TRPM3: variants seen among roughly 807,000 people sequenced by gnomAD.
TRPM3 encodes the protein long transient receptor potential channel 3.
A neutral mutation model predicts 181.2 loss-of-function variants in TRPM3; 77 were observed. The ratio of observed to expected loss-of-function variants is 0.42; its 90% CI spans 0.35 to 0.51. TRPM3 has a LOEUF of 0.51. TRPM3 is among the 20% of genes least tolerant of loss of function. The pLI is 0.01. For missense variants in TRPM3, 1,759 were observed against 2,196.7 expected (o/e 0.80, Z 3.98); for synonymous variants, 745 against 796.4 (o/e 0.94, Z 1.09).
rs369737756 is a variant in TRPM3, at chr9:70,928,519, A to AAC, written c.178-64010_178-64009dup. Among the ~76,000 whole-genome samples, 14 of 151,992 alleles carry AAC rather than the reference A, an allele frequency of 9.2e-5. No homozygotes were observed. The East Asian group carries it at 1.4e-3, about 15-fold the overall frequency. ...GTGTCTTTCTTGACAATTTAATCTA[A>AAC]ACACACACACACACAAAATAGTTGA... On this transcript the variant is annotated intron_variant, in intron 1 of 25. Transcript: ENST00000677713.
At chr9:70,860,743 T>A (rs1227354432) in intron 3 of TRPM3, among the ~76,000 whole-genome samples, 2 of 152,176 alleles carry the variant, frequency 1.3e-5, no homozygotes, top group Admixed American at 1.3e-4. Flanking sequence ...TTAGTCAAAA[T>A]GTTTTTGCAA....
chr9:71,060,516 G>A (rs1425800818), intron 1 of TRPM3, among the ~76,000 whole-genome samples: 1 of 152,084 alleles, frequency 6.6e-6, no homozygotes, highest in African/African-American at 2.4e-5. Context: ...TCAAACCCAG[G>A]CCTGTCAGAC....
intron 8 of TRPM3, among the ~76,000 whole-genome samples, chr9:70,750,668 G>C (rs1427481219): frequency 1.3e-5 from 2 of 152,178 alleles, no homozygotes; most frequent in Non-Finnish European, 2.9e-5. Context: ...GGCCACAATT[G>C]GCTGGTGGCG....
At chr9:70,826,262 T>C (rs945836628) in intron 6 of TRPM3, 1 of 152,346 alleles carries the variant, frequency 6.6e-6, no homozygotes. Flanking sequence ...AACTCAATTT[T>C]AGTATTTACA....
chr9:71,041,128 G>A (rs2058764583), intron 1 of TRPM3, among the ~76,000 whole-genome samples: 1 of 152,122 alleles, frequency 6.6e-6, no homozygotes, highest in East Asian at 1.9e-4. Context: ...TTGCTTTGGG[G>A]AAAGTCAAAG....
intron 1 of TRPM3, among the ~76,000 whole-genome samples, chr9:71,006,531 C>T (rs1276953703): frequency 6.6e-6 from 1 of 151,926 alleles, no homozygotes; most frequent in Non-Finnish European, 1.5e-5. Context: ...AACAAACAAA[C>T]AAGCAAAATC....
intron 1 of TRPM3, among the ~76,000 whole-genome samples, chr9:70,910,437 G>A (rs1763485583): frequency 6.6e-6 from 1 of 152,126 alleles, no homozygotes; most frequent in South Asian, 2.1e-4. Context: ...TTAAGGTGCT[G>A]TCTGAATGGA....
At chr9:70,693,116 T>C (rs1388564764) in intron 8 of TRPM3, among the ~76,000 whole-genome samples, 1 of 152,162 alleles carries the variant, frequency 6.6e-6, no homozygotes, top group East Asian at 1.9e-4. Flanking sequence ...TCATTGAGGT[T>C]CTCTAGGGGG....
chr9:71,260,120 C>T (rs1355639146), intron 1 of TRPM3, among the ~76,000 whole-genome samples: 1 of 152,088 alleles, frequency 6.6e-6, no homozygotes, highest in Non-Finnish European at 1.5e-5. Context: ...TTTCCCAACT[C>T]CATTTATTAA....
chr9:71,165,215 TACA>T (rs2134740511), intron 1 of TRPM3, among the ~76,000 whole-genome samples: 1 of 152,312 alleles, frequency 6.6e-6, no homozygotes, highest in East Asian at 1.9e-4. Context: ...AAGCTGAAAT[TACA>T]ACAATAATAT....
chr9:70,793,400 G>A (rs1271457067), intron 6 of TRPM3, among the ~76,000 whole-genome samples: 1 of 148,658 alleles, frequency 6.7e-6, no homozygotes, highest in African/African-American at 2.5e-5. Flanking sequence ...AGGCTGCAGT[G>A]AGCCCTGAGG....
intron 1 of TRPM3, among the ~76,000 whole-genome samples, chr9:71,027,994 C>T (rs1380571920): frequency 6.6e-6 from 1 of 152,070 alleles, no homozygotes; most frequent in Non-Finnish European, 1.5e-5. Context: ...ACAAGAGGAT[C>T]ATCCCCAAGA....
At chr9:70,624,827 T>G (rs2064245379) in intron 14 of TRPM3, among the ~76,000 whole-genome samples, 1 of 152,238 alleles carries the variant, frequency 6.6e-6, no homozygotes. Context: ...AAACATGTTC[T>G]TTATGTTAAC....
chr9:71,232,417 TTG>T (rs2081107178), intron 1 of TRPM3, among the ~76,000 whole-genome samples: 1 of 151,734 alleles, frequency 6.6e-6, no homozygotes, highest in South Asian at 2.1e-4. Context: ...ACTATAAAAA[TTG>T]TGTGTTGATT....
At chr9:70,657,515 C>G (rs1422805842) in intron 9 of TRPM3, among the ~76,000 whole-genome samples, 1 of 152,016 alleles carries the variant, frequency 6.6e-6, no homozygotes, top group Non-Finnish European at 1.5e-5. Flanking sequence ...AAGGTCTTTT[C>G]TTTTGCCTTT....
At chr9:70,576,347 T>C (rs2053928256) in intron 22 of TRPM3, among the ~76,000 whole-genome samples, 1 of 152,182 alleles carries the variant, frequency 6.6e-6, no homozygotes, top group Non-Finnish European at 1.5e-5. Flanking sequence ...GTGTCTTGAA[T>C]AGCTGCAGAG....
chr9:70,811,171 A>ATAATT (rs1390672761), intron 6 of TRPM3: 1 of 1,609,998 alleles, frequency 6.2e-7, no homozygotes, highest in Admixed American at 1.7e-5. Flanking sequence ...TATACTTACC[A>ATAATT]ACTGAGTCTA....
chr9:71,232,891 T>G (rs13293722), intron 1 of TRPM3, among the ~76,000 whole-genome samples: 1 of 152,148 alleles, frequency 6.6e-6, no homozygotes, highest in Admixed American at 6.6e-5. Context: ...TCTGCACTGG[T>G]GCTATACTGA....
intron 1 of TRPM3, among the ~76,000 whole-genome samples, chr9:70,968,164 C>T (rs886613653): frequency 9.9e-5 from 15 of 152,096 alleles, no homozygotes; most frequent in Admixed American, 2.6e-4. Context: ...TTGTGTATTG[C>T]ATACTATGCA....
Sources: gnomAD v4.1 joint callset for allele counts (sites outside exome capture counted in the v4.1 genomes callset) on GRCh38, gnomAD v4.1.1 for gene constraint, MANE v1.5 for transcripts, NCBI Gene and HGNC (gene_info 2026-07-23, HGNC 2026-07-21) for gene names.